Variants in GALNT10 observed in about 807,000 individuals in gnomAD.
The protein encoded by GALNT10 is GalNAc transferase 10.
In GALNT10, 41 loss-of-function variants were observed where a neutral mutation model predicts 75.0. The observed-to-expected ratio is 0.55, with a 90% CI of 0.43 to 0.71. The LOEUF (loss-of-function observed/expected upper bound fraction) is 0.71. Ranked by LOEUF, GALNT10 falls within the 30% of genes least tolerant of loss-of-function variation. The pLI is 0.00. For missense variants in GALNT10, 727 were observed against 818.5 expected, an observed-to-expected ratio of 0.89 and a Z score of 1.36; for synonymous variants, 302 against 313.0, an observed-to-expected ratio of 0.96 and a Z score of 0.37.
At chr5:154,332,670 A>G (rs1277279402) in intron 4 of GALNT10, among the ~76,000 whole-genome samples, 1 of 152,102 alleles carries the variant, frequency 6.6e-6, no homozygotes, top group Non-Finnish European at 1.5e-5. Flanking sequence ...GGAGGGAGGA[A>G]ATGTATGGCA....
At position 154,416,480 on chromosome 5, in the gene GALNT10, T is replaced by TACACACACACACACAC. The variant is rs70978542; in HGVS notation, c.1654-311_1654-296dup. 2.2e-3 allele frequency among the ~76,000 whole-genome samples: 317 copies of TACACACACACACACAC among 141,930 alleles called. 5 individuals carry two copies. Among genetic ancestry groups the TACACACACACACACAC allele is most frequent in the Middle Eastern group, 7.1e-3 (2 of 280 alleles). The allele number at this position is 141,930 out of a possible 152,430, so 93.1% of individuals were successfully genotyped here. On this transcript the variant is annotated intron_variant, in intron 11 of 11. Transcript: ENST00000297107. This position sits in a 1 kb window ranked among gnomAD's most constrained non-coding sequence, Gnocchi z 4.5. ...AAATAAAAGATAAAAGGAAAGCACA[T>TACACACACACACACAC]ACACACACACACACACACACACACA... is the stretch of plus-strand genomic sequence containing the variant.
At chr5:154,324,406 G>A (rs1250932516) in intron 3 of GALNT10, among the ~76,000 whole-genome samples, 1 of 152,210 alleles carries the variant, frequency 6.6e-6, no homozygotes, top group Non-Finnish European at 1.5e-5. Flanking sequence ...GGCCTTCTCA[G>A]CTGCAGAGTT....
intron 4 of GALNT10, among the ~76,000 whole-genome samples, chr5:154,367,485 A>C (rs1030901742): frequency 1.3e-5 from 2 of 152,248 alleles, no homozygotes; most frequent in African/African-American, 2.4e-5. Context: ...GAGGGATGGG[A>C]GGGCACCCAA....
At position 154,417,470 on chromosome 5, in the gene GALNT10, G is replaced by C. The variant is rs916896849; in HGVS notation, c.*498G>C. On this transcript the variant is annotated 3_prime_UTR_variant, in exon 12 of 12. Transcript: ENST00000297107. ...AAAGAAGTCCTCTTGGGGCTTTTTA[G>C]TTTCTGCCGTCCTGGGGGGAACATT... 1 of 156,576 alleles carries C rather than the reference G, an allele frequency of 6.4e-6. No homozygotes were observed. Among genetic ancestry groups the C allele is most frequent in the East Asian group, 1.9e-4 (1 of 5,248 alleles). 9.7% of individuals were successfully genotyped at this position (156,576 alleles called of 1,614,324 possible).
At chr5:154,249,733 G>A (rs896435349) in intron 1 of GALNT10, among the ~76,000 whole-genome samples, 2 of 152,154 alleles carry the variant, frequency 1.3e-5, no homozygotes, top group Non-Finnish European at 2.9e-5. Flanking sequence ...ACCAGTTTGA[G>A]AGACAAAACT....
At chr5:154,273,632 T>A (rs952125384) in intron 1 of GALNT10, among the ~76,000 whole-genome samples, 1 of 152,150 alleles carries the variant, frequency 6.6e-6, no homozygotes, top group Non-Finnish European at 1.5e-5. Flanking sequence ...TTGTTAATAG[T>A]GGTTATCTCT....
chr5:154,376,436 A>T lies in GALNT10; in HGVS notation c.728A>T (p.Asn243Ile). The T allele has an allele frequency of 2.5e-6, 4 of 1,589,968 alleles. No homozygotes were observed. In the South Asian group the frequency reaches 4.6e-5, roughly 18 times the overall value. Residue 243 changes from asparagine (N) to isoleucine (I), a missense_variant, in exon 5 of 12, where the codon AAT (asparagine) becomes ATT (isoleucine). Coordinates refer to ENST00000297107, the MANE Select transcript of GALNT10 (RefSeq NM_198321.4). This position sits in a 1 kb window ranked among gnomAD's most constrained non-coding sequence, Gnocchi z 4.1. ...ITFLDSHCEANVNWLPPLLDR... is the reference protein window; with the variant it reads ...ITFLDSHCEAIVNWLPPLLDR... ...TTCTTGGATTCACACTGTGAAGCCA[A>T]TGTCAACTGGCTTCCCCCCTTGCTT...
chr5:154,283,204 G>C (rs1409812268), intron 1 of GALNT10, among the ~76,000 whole-genome samples: 1 of 150,572 alleles, frequency 6.6e-6, no homozygotes, highest in Non-Finnish European at 1.5e-5. Context: ...AGCACTTTGG[G>C]AGTCCCAGGT....
intron 1 of GALNT10, among the ~76,000 whole-genome samples, chr5:154,261,384 G>A (rs980961088): frequency 6.6e-6 from 1 of 152,186 alleles, no homozygotes; most frequent in Non-Finnish European, 1.5e-5. Context: ...CTACTGGTGA[G>A]GTCAAAGACC....
chr5:154,347,333 T>C, intron 4 of GALNT10: 1 of 424,516 alleles, frequency 2.4e-6, no homozygotes, highest in Non-Finnish European at 4.4e-6. Flanking sequence ...CTACTTCCTG[T>C]TACCTCCTAT....
At chr5:154,288,408 TTGTGTGTGTGTGTGTGTG>T (rs10534031) in intron 1 of GALNT10, among the ~76,000 whole-genome samples, 2 of 122,550 alleles carry the variant, frequency 1.6e-5, no homozygotes, top group African/African-American at 5.2e-5. Context: ...AAAATTCCAT[TTGTGTGTGTGTGTGTGTG>T]TGTGTGTGTG....
chr5:154,230,826 C>G (rs976257417), intron 1 of GALNT10, among the ~76,000 whole-genome samples: 1 of 152,216 alleles, frequency 6.6e-6, no homozygotes, highest in Non-Finnish European at 1.5e-5. Context: ...GAACCTAATC[C>G]AGGTCACAGT....
In GALNT10 at chr5:154,380,506, T is replaced by C; in HGVS notation, c.813T>C (p.His271=). Residue 271 remains histidine, a synonymous_variant, in exon 6 of 12, where the codon CAT becomes CAC. Coordinates refer to ENST00000297107, the MANE Select transcript of GALNT10 (RefSeq NM_198321.4). ...GCCCGATGATTGATGTAATTGACCA[T>C]GACGACTTTCGGTACGAGACACAGG... The part of the protein sequence containing the change: ...IVCPMIDVID[H]DDFRYETQAG... 2 of 1,614,070 alleles carry C rather than the reference T, an allele frequency of 1.2e-6. No individual in the cohort carries two copies. Among genetic ancestry groups the C allele is most frequent in the South Asian group, 1.1e-5 (1 of 91,082 alleles).
rs79784390 is a variant in GALNT10 at position 154,229,852 on chromosome 5, T to C, written c.159+38827T>C. Among the ~76,000 whole-genome samples the C allele has an allele frequency of 6.4e-3, 970 of 152,250 alleles. 11 individuals are homozygous for C. The highest frequency in any genetic ancestry group is 0.022 in the African/African-American group (902 of 41,548). ...TATAAAGAGCATTTGATAAACAAAG[T>C]GAATGAATGAATGAATAACAGGGTT... On this transcript the variant is annotated intron_variant, in intron 1 of 11. Coordinates refer to ENST00000297107, the MANE Select transcript of GALNT10 (RefSeq NM_198321.4).
At chr5:154,373,781 T>C (rs1755613492) in intron 4 of GALNT10, among the ~76,000 whole-genome samples, 1 of 152,174 alleles carries the variant, frequency 6.6e-6, no homozygotes, top group Non-Finnish European at 1.5e-5. Context: ...GAAGCATAAT[T>C]GCCCCTAAAT....
rs777590310 is a variant in GALNT10, at chr5:154,376,495, A to C, written c.754+33A>C. 6.7e-7 allele frequency: 1 copy of C among 1,495,788 alleles called. No homozygotes were observed. The highest frequency in any genetic ancestry group is 1.3e-5 in the South Asian group (1 of 77,196). The allele number at this position is 1,495,788 out of a possible 1,614,324, so 92.7% of individuals were successfully genotyped here. A position where few individuals can be genotyped will look rare whatever the true frequency, so the allele number is the denominator to read the frequency against. ...AGCCCCTCCCACTTGGAGGGAGGCA[A>C]ACTGCAATGAGCCAGTGCCAGTGGC... On this transcript the variant is annotated intron_variant, in intron 5 of 11. Coordinates refer to ENST00000297107, the MANE Select transcript of GALNT10 (RefSeq NM_198321.4). The surrounding 1 kb of genome is among the most constrained non-coding windows in gnomAD (Gnocchi z 4.1).
chr5:154,332,537 G>A (rs1033762427), intron 4 of GALNT10, among the ~76,000 whole-genome samples: 1 of 152,158 alleles, frequency 6.6e-6, no homozygotes, highest in Admixed American at 6.5e-5. Context: ...TGCTGCATGC[G>A]CGGTTACATG....
intron 1 of GALNT10, among the ~76,000 whole-genome samples, chr5:154,266,587 A>AC: frequency 6.6e-6 from 1 of 150,844 alleles, no homozygotes; most frequent in East Asian, 2.0e-4. Flanking sequence ...AAAAAAAAAA[A>AC]CAGCTTCCCA....
intron 1 of GALNT10, among the ~76,000 whole-genome samples, chr5:154,231,090 T>C (rs921668269): frequency 6.6e-6 from 1 of 152,018 alleles, no homozygotes; most frequent in African/African-American, 2.4e-5. Context: ...ATGAGAGAAA[T>C]AGGCTAGAGC....
Sources: gnomAD v4.1 joint callset for allele counts (sites outside exome capture counted in the v4.1 genomes callset) on GRCh38, gnomAD v4.1.1 for gene constraint, Gnocchi (gnomAD v3.1) non-coding constraint, MANE v1.5 for transcripts, NCBI Gene and HGNC (gene_info 2026-07-23, HGNC 2026-07-21) for gene names.